ADK: variants seen among roughly 807,000 people sequenced by gnomAD.
The protein encoded by ADK is N6,N6-dimethyladenosine kinase.
ADK carries 24 observed loss-of-function variants against 44.7 expected under a neutral mutation model. That is an observed-to-expected ratio of 0.54 (90% CI 0.39 to 0.76). The LOEUF is 0.76. Among genes scored for constraint, ADK ranks in the 30% least tolerant of loss-of-function variants. ADK has a pLI of 0.00. For synonymous variants in ADK, 128 were observed against 142.6 expected, an observed-to-expected ratio of 0.90 and a Z score of 0.73; for missense variants, 321 against 425.1, an observed-to-expected ratio of 0.76 and a Z score of 2.15.
In ADK at chr10:74,320,425, A is replaced by G. The variant is rs193134795; in HGVS notation, c.273+5680A>G. Among the ~76,000 whole-genome samples, 4 of 152,230 alleles carry G rather than the reference A, an allele frequency of 2.6e-5. No homozygotes were observed. The East Asian group carries it at 7.7e-4, about 29-fold the overall frequency. On this transcript the variant is annotated intron_variant, in intron 4 of 10. Coordinates refer to ENST00000539909, the MANE Select transcript of ADK (RefSeq NM_006721.4). ...TTTGTCTTTCAGCAGTTTGACTATA[A>G]TGTGTCTTGGTGTGAATCTTTTTGT...
At chr10:74,516,886 A>G (rs751361452) in intron 6 of ADK, 11 of 167,690 alleles carry the variant, frequency 6.6e-5, no homozygotes, top group Non-Finnish European at 1.4e-4. Flanking sequence ...TGCTGCTGAT[A>G]AAGGCATACC....
At chr10:74,590,572 A>G (rs1015237848) in intron 8 of ADK, among the ~76,000 whole-genome samples, 1 of 152,188 alleles carries the variant, frequency 6.6e-6, no homozygotes, top group Non-Finnish European at 1.5e-5. Flanking sequence ...ACTCCAGAGT[A>G]GGGAAACTTG....
intron 7 of ADK, among the ~76,000 whole-genome samples, chr10:74,549,877 G>A (rs1415805197): frequency 2.0e-5 from 3 of 152,106 alleles, no homozygotes; most frequent in African/African-American, 7.2e-5. Flanking sequence ...AATAGCTATA[G>A]ATATGCCATG....
chr10:74,339,744 A>T (rs1841523472), intron 4 of ADK, among the ~76,000 whole-genome samples: 1 of 152,238 alleles, frequency 6.6e-6, no homozygotes, highest in Non-Finnish European at 1.5e-5. Flanking sequence ...ACATGAGATT[A>T]CCTAACCTAT....
At chr10:74,326,555 G>A (rs566884757) in intron 4 of ADK, among the ~76,000 whole-genome samples, 1 of 152,196 alleles carries the variant, frequency 6.6e-6, no homozygotes, top group African/African-American at 2.4e-5. Flanking sequence ...AGGCTGCAGT[G>A]AACTATGATC....
chr10:74,399,794 A>G (rs1355978632), intron 6 of ADK, among the ~76,000 whole-genome samples: 1 of 152,062 alleles, frequency 6.6e-6, no homozygotes, highest in East Asian at 1.9e-4. Context: ...AATTTGGCAT[A>G]ATTTATATAT....
chr10:74,228,712 A>T (rs1844640513), intron 3 of ADK, among the ~76,000 whole-genome samples: 1 of 152,182 alleles, frequency 6.6e-6, no homozygotes, highest in African/African-American at 2.4e-5. Flanking sequence ...GTTTCCATGA[A>T]TATCTATTTT....
chr10:74,625,717 G>A (rs1019800134), intron 9 of ADK, among the ~76,000 whole-genome samples: 1 of 152,068 alleles, frequency 6.6e-6, no homozygotes, highest in African/African-American at 2.4e-5. Context: ...AAAAATTGTA[G>A]AGAAAAATTA....
chr10:74,279,878 A>G (rs2132440523), intron 3 of ADK, among the ~76,000 whole-genome samples: 1 of 152,222 alleles, frequency 6.6e-6, no homozygotes, highest in South Asian at 2.1e-4. Context: ...AAAAAGAAAA[A>G]TTAAACTGGT....
At chr10:74,289,578 T>C (rs1847325779) in intron 3 of ADK, among the ~76,000 whole-genome samples, 1 of 152,136 alleles carries the variant, frequency 6.6e-6, no homozygotes, top group African/African-American at 2.4e-5. Flanking sequence ...AAATTGGAAA[T>C]TACATAAAAC....
chr10:74,173,397 T>G (rs1262105769), intron 1 of ADK, among the ~76,000 whole-genome samples: 2 of 151,242 alleles, frequency 1.3e-5, no homozygotes, highest in Non-Finnish European at 2.9e-5. Context: ...CCGGCTAGGT[T>G]TTTTCAAATT....
Position 74,549,295 on chromosome 10 carries a change from A to G in ADK, c.726+23869A>G, listed in dbSNP as rs1354289348. 5.9e-5 allele frequency among the ~76,000 whole-genome samples: 9 copies of G among 152,308 alleles called. No homozygotes were observed. In the East Asian group the frequency reaches 1.3e-3, roughly 23 times the overall value. ...GTGTTGTGTCTTAGGGATAGATCCA[A>G]TCTTTTCTTTGAAATCTTCATTCAT... On this transcript the variant is annotated intron_variant, in intron 7 of 10. Transcript: ENST00000539909.
At chr10:74,626,175 G>A (rs1011838554) in intron 9 of ADK, among the ~76,000 whole-genome samples, 3 of 152,106 alleles carry the variant, frequency 2.0e-5, no homozygotes, top group Admixed American at 6.6e-5. Context: ...CCACATAGAA[G>A]CAGCAGTTAA....
chr10:74,343,261 A>G (rs974352616), intron 4 of ADK, among the ~76,000 whole-genome samples: 5 of 152,150 alleles, frequency 3.3e-5, no homozygotes, highest in Non-Finnish European at 7.4e-5. Context: ...AAATCCATGT[A>G]TAACTTTTGA....
At chr10:74,601,937 T>A (rs1278433943) in intron 9 of ADK, among the ~76,000 whole-genome samples, 8 of 45,232 alleles carry the variant, frequency 1.8e-4, no homozygotes, top group Non-Finnish European at 3.1e-5. Context: ...CAAAAAAAAA[T>A]GGAAAAAAAA....
intron 1 of ADK, among the ~76,000 whole-genome samples, chr10:74,197,286 T>C (rs1843190937): frequency 6.6e-6 from 1 of 152,210 alleles, no homozygotes; most frequent in Non-Finnish European, 1.5e-5. Context: ...ATTATAAGAA[T>C]GACTTCAAAT....
At chr10:74,613,364 C>T (rs898843512) in intron 9 of ADK, among the ~76,000 whole-genome samples, 2 of 152,190 alleles carry the variant, frequency 1.3e-5, no homozygotes, top group African/African-American at 2.4e-5. Context: ...GCTGGAAAAA[C>T]GAAAACAGAA....
intron 7 of ADK, among the ~76,000 whole-genome samples, chr10:74,579,336 A>G (rs1432458696): frequency 5.3e-5 from 8 of 152,094 alleles, no homozygotes; most frequent in Admixed American, 3.9e-4. Context: ...AAACTAATAA[A>G]TGGAGGATTG....
chr10:74,207,329 C>G (rs756196735), intron 2 of ADK, among the ~76,000 whole-genome samples: 84 of 152,210 alleles, frequency 5.5e-4, no homozygotes, highest in Non-Finnish European at 9.7e-4. Context: ...CTCTTCTTTC[C>G]TTCTTGTTGC....
Sources: allele counts gnomAD v4.1 joint callset (sites outside exome capture counted in the v4.1 genomes callset), GRCh38; gene constraint gnomAD v4.1.1; transcripts MANE v1.5; gene names NCBI Gene and HGNC (gene_info 2026-07-23, HGNC 2026-07-21).